The following NRXN1 variants were observed in gnomAD, a reference collection of about 807,000 sequenced individuals.
NRXN1 encodes the protein neurexin 1, also known as neurexin-1.
In NRXN1, 39 loss-of-function variants were observed where a neutral mutation model predicts 150.9. The ratio of observed to expected loss-of-function variants is 0.26; its 90% CI spans 0.20 to 0.34. The LOEUF (loss-of-function observed/expected upper bound fraction) is 0.34, where lower values mean the gene tolerates loss of function less well. NRXN1 is among the 10% of genes least tolerant of loss of function. The probability of loss-of-function intolerance (pLI) is 1.00; values close to 1 mark genes in which losing one functional copy is unlikely to be tolerated. For synonymous variants in NRXN1, 924 were observed against 757.0 expected, an observed-to-expected ratio of 1.22 and a Z score of -3.62; for missense variants, 1,815 against 1,949.9, an observed-to-expected ratio of 0.93 and a Z score of 1.30.
At chr2:50,678,631 T>A (rs1689891502) in intron 5 of NRXN1, among the ~76,000 whole-genome samples, 1 of 152,146 alleles carries the variant, frequency 6.6e-6, no homozygotes, top group South Asian at 2.1e-4. Flanking sequence ...TACAGCCTCC[T>A]TCTCCAGATC....
chr2:50,794,497 C>T (rs756038644), intron 5 of NRXN1, among the ~76,000 whole-genome samples: 2 of 152,100 alleles, frequency 1.3e-5, no homozygotes, highest in Admixed American at 1.3e-4. Flanking sequence ...GGGTAGCACT[C>T]TTTCATACCA....
At chr2:50,883,707 T>C (rs1001838249) in intron 5 of NRXN1, among the ~76,000 whole-genome samples, 30 of 151,798 alleles carry the variant, frequency 2.0e-4, no homozygotes, top group African/African-American at 7.2e-4. Context: ...GATTACTCAC[T>C]GTTAGTAGCA....
rs551034156 is a variant in NRXN1 at position 50,734,617 on chromosome 2, T to C, written c.833-111002A>G. 2.6e-5 allele frequency among the ~76,000 whole-genome samples: 4 copies of C among 152,096 alleles called. No individual in the cohort carries two copies. In the East Asian group the frequency reaches 7.8e-4, roughly 30 times the overall value. On this transcript the variant is annotated intron_variant, in intron 5 of 22. Transcript: ENST00000401669. ...TCCACTGCCTGCTCATATAAGGTCC[T>C]AAATTCACTCTGGTAGTCTATATAA...
intron 5 of NRXN1, among the ~76,000 whole-genome samples, chr2:50,776,654 A>G (rs1703682516): frequency 7.8e-6 from 1 of 128,600 alleles, no homozygotes; most frequent in African/African-American, 2.6e-5. Flanking sequence ...ATATATACAC[A>G]TACACACACA....
intron 5 of NRXN1, chr2:50,631,058 A>C (rs1682225770): frequency 2.2e-6 from 1 of 444,722 alleles, no homozygotes; most frequent in Non-Finnish European, 4.6e-6. Context: ...TGTAACTGAG[A>C]AATTAAAACA....
At chr2:50,604,423 A>T (rs899495996) in intron 8 of NRXN1, among the ~76,000 whole-genome samples, 5 of 152,260 alleles carry the variant, frequency 3.3e-5, no homozygotes, top group South Asian at 2.1e-4. Flanking sequence ...CAGCAGTCAC[A>T]TCCTGTCATT....
intron 8 of NRXN1, among the ~76,000 whole-genome samples, chr2:50,587,842 T>C (rs981264553): frequency 3.5e-4 from 53 of 152,276 alleles, no homozygotes; most frequent in African/African-American, 1.1e-3. Flanking sequence ...TGATGGTTTG[T>C]GAATTTTCTT....
intron 17 of NRXN1, among the ~76,000 whole-genome samples, chr2:50,433,237 A>G (rs2085129419): frequency 6.6e-6 from 1 of 152,234 alleles, no homozygotes; most frequent in Admixed American, 6.5e-5. Flanking sequence ...CTTCTCATTA[A>G]GAAGTAATAG....
At chr2:49,976,237 T>A (rs1264114600) in intron 21 of NRXN1, among the ~76,000 whole-genome samples, 1 of 151,624 alleles carries the variant, frequency 6.6e-6, no homozygotes, top group Admixed American at 6.6e-5. Context: ...TACACCATGT[T>A]GGCCTGGTGG....
intron 5 of NRXN1, among the ~76,000 whole-genome samples, chr2:50,685,269 T>C (rs1691054168): frequency 6.6e-6 from 1 of 152,190 alleles, no homozygotes; most frequent in South Asian, 2.1e-4. Context: ...GATCTAGCCC[T>C]TAGCCTTCTA....
At chr2:50,981,784 G>C (rs13036215) in intron 2 of NRXN1, among the ~76,000 whole-genome samples, 5,106 of 151,654 alleles carry the variant, frequency 0.034, 135 homozygotes, top group Non-Finnish European at 0.05. Flanking sequence ...AGGCATTTTT[G>C]TAAGCACAGA....
intron 17 of NRXN1, among the ~76,000 whole-genome samples, chr2:50,311,461 G>A (rs2152964093): frequency 6.6e-6 from 1 of 152,188 alleles, no homozygotes; most frequent in Middle Eastern, 3.4e-3. Context: ...TAAATCCCCA[G>A]GAGCTCAAGA....
chr2:50,222,694 A>T (rs951641089), intron 18 of NRXN1, among the ~76,000 whole-genome samples: 2 of 151,928 alleles, frequency 1.3e-5, no homozygotes, highest in African/African-American at 4.8e-5. Flanking sequence ...TAAATATGAG[A>T]TCATATGCTC....
At chr2:49,943,897 A>T (rs1672443795) in intron 21 of NRXN1, 106 bp from the exon 22 acceptor site, 1 of 821,038 alleles carries the variant, frequency 1.2e-6, no homozygotes, top group Admixed American at 2.0e-5. Context: ...AAGAAACCAA[A>T]TTCACTATTT....
intron 5 of NRXN1, among the ~76,000 whole-genome samples, chr2:50,799,393 G>A (rs1170247831): frequency 6.6e-6 from 1 of 152,156 alleles, no homozygotes; most frequent in Non-Finnish European, 1.5e-5. Context: ...AGATGGAGAT[G>A]AGCCACAAAG....
chr2:50,197,819 A>T (rs1377832321), intron 18 of NRXN1, among the ~76,000 whole-genome samples: 1 of 152,066 alleles, frequency 6.6e-6, no homozygotes, highest in East Asian at 1.9e-4. Flanking sequence ...ACCTACCAAA[A>T]CCCTCATTAA....
At chr2:50,233,140 C>A (rs757909393) in intron 18 of NRXN1, among the ~76,000 whole-genome samples, 62 of 152,034 alleles carry the variant, frequency 4.1e-4, no homozygotes, top group Non-Finnish European at 7.9e-4. Flanking sequence ...CTATTAAATT[C>A]TTTCAGAAAA....
At chr2:50,964,534 A>T in intron 2 of NRXN1, among the ~76,000 whole-genome samples, 1 of 151,460 alleles carries the variant, frequency 6.6e-6, no homozygotes, top group Non-Finnish European at 1.5e-5. Flanking sequence ...TAACTTACAG[A>T]TATTCAGATG....
rs576707459 is a variant in NRXN1, at chr2:50,517,637, G to A, written c.2374+10988C>T. 3.9e-5 allele frequency among the ~76,000 whole-genome samples: 6 copies of A among 152,132 alleles called. No individual in the cohort carries two copies. In the East Asian group the frequency reaches 7.7e-4, roughly 20 times the overall value. ...GGATAACTATTTGGACAGCTTTTTC[G>A]CTCAGTTACATTGAAAATAAACTTC... On this transcript the variant is annotated intron_variant, in intron 12 of 22. Coordinates refer to ENST00000401669, the MANE Select transcript of NRXN1 (RefSeq NM_001330078.2).
Sources: allele counts gnomAD v4.1 joint callset (sites outside exome capture counted in the v4.1 genomes callset), GRCh38; gene constraint gnomAD v4.1.1; transcripts MANE v1.5; gene names NCBI Gene and HGNC (gene_info 2026-07-23, HGNC 2026-07-21).